The following CCDC40 variants were observed in gnomAD, a reference collection of about 807,000 sequenced individuals.
CCDC40 encodes coiled-coil domain 40 molecular ruler complex subunit, also known as coiled-coil domain-containing protein 40.
CCDC40 carries 104 observed loss-of-function variants against 124.5 expected under a neutral mutation model. The ratio of observed to expected loss-of-function variants is 0.84; its 90% CI spans 0.71 to 0.98. The LOEUF (loss-of-function observed/expected upper bound fraction) is 0.98. CCDC40 is among the 50% of genes least tolerant of loss of function. The probability of loss-of-function intolerance (pLI) is 0.00; values close to 1 mark genes in which losing one functional copy is unlikely to be tolerated. For synonymous variants in CCDC40, 580 were observed against 602.9 expected, an observed-to-expected ratio of 0.96 and a Z score of 0.56; for missense variants, 1,463 against 1,503.9, an observed-to-expected ratio of 0.97 and a Z score of 0.45.
intron 9 of CCDC40, among the ~76,000 whole-genome samples, chr17:80,062,602 C>CT (rs1191603406): frequency 2.0e-5 from 3 of 151,996 alleles, no homozygotes; most frequent in Non-Finnish European, 2.9e-5. Context: ...ATGGTAGAGA[C>CT]TAAGTCTCAC....
At chr17:80,095,199 C>A in intron 17 of CCDC40, 64 bp from the exon 18 acceptor site, 1 of 1,516,188 alleles carries the variant, frequency 6.6e-7, no homozygotes, top group Middle Eastern at 1.9e-4. Context: ...AGCGCCCCGG[C>A]CACTCTCTCT....
At chr17:80,071,524 A>G (rs1394637990) in intron 10 of CCDC40, among the ~76,000 whole-genome samples, 1 of 152,092 alleles carries the variant, frequency 6.6e-6, no homozygotes, top group East Asian at 1.9e-4. Flanking sequence ...TCCAGATTCC[A>G]TCCGTTCTTT....
At chr17:80,083,158 G>A (rs559198478) in intron 12 of CCDC40, among the ~76,000 whole-genome samples, 56 of 152,042 alleles carry the variant, frequency 3.7e-4, no homozygotes, top group African/African-American at 1.2e-3. Flanking sequence ...GTGCAGGCCC[G>A]GCTGTGACGG....
intron 17 of CCDC40, among the ~76,000 whole-genome samples, chr17:80,093,914 G>T (rs1463172935): frequency 6.6e-6 from 1 of 152,112 alleles, no homozygotes; most frequent in Non-Finnish European, 1.5e-5. Context: ...ACCTATCATT[G>T]TCTTTGCCCT....
chr17:80,037,688 A>AAAAAAAT lies in CCDC40; in HGVS notation c.30-434_30-433insAAAAATA. On this transcript the variant is annotated intron_variant, in intron 1 of 19. Transcript: ENST00000397545. ...AGCTTGAATCTTTAATTTTTTAAAA[A>AAAAAAAT]AGATATACATATATATATATATATA... 3.9e-4 allele frequency among the ~76,000 whole-genome samples: 18 copies of AAAAAAAT among 45,712 alleles called. 1 individual carries two copies. Among genetic ancestry groups the AAAAAAAT allele is most frequent in the Admixed American group, 9.7e-4 (4 of 4,116 alleles). The allele number at this position is 45,712 out of a possible 152,430, so 30.0% of individuals were successfully genotyped here.
Position 80,048,518 on chromosome 17 carries a change from CA to C in CCDC40, c.677-64del, listed in dbSNP as rs764146492. The C allele has an allele frequency of 4.4e-6, 6 of 1,361,606 alleles. No homozygotes were observed. In the African/African-American group the frequency reaches 8.6e-5, roughly 19 times the overall value. The allele number at this position is 1,361,606 out of a possible 1,614,324, so 84.3% of individuals were successfully genotyped here. ...GACAGCAGCTGTGCCATTGATGCCC[CA>C]GAATAGAATCACTGAGGCTTCTCTC... On this transcript the variant is annotated intron_variant, in intron 4 of 19. Transcript: ENST00000397545.
Position 80,087,957 on chromosome 17 carries a change from C to A in CCDC40, c.2620-54C>A. 1 of 1,414,152 alleles carries A rather than the reference C, an allele frequency of 7.1e-7. No individual in the cohort carries two copies. The highest frequency in any genetic ancestry group is 1.0e-6 in the Non-Finnish European group (1 of 998,010). 87.6% of individuals were successfully genotyped at this position (1,414,152 alleles called of 1,614,324 possible). A position where few individuals can be genotyped will look rare whatever the true frequency, so the allele number is the denominator to read the frequency against. Reference sequence around the variant, plus strand: ...CCGGGATAGAGGGCACCAGCCCCGGCATCCACAATCCCATGGCCCTCCCCA... The same window carrying A: ...CCGGGATAGAGGGCACCAGCCCCGGAATCCACAATCCCATGGCCCTCCCCA... On this transcript the variant is annotated intron_variant, in intron 15 of 19. Transcript: ENST00000397545. The surrounding 1 kb of genome is among the most constrained non-coding windows in gnomAD (Gnocchi z 4.5).
chr17:80,093,478 C>T (rs932932755), intron 17 of CCDC40, among the ~76,000 whole-genome samples: 2 of 151,606 alleles, frequency 1.3e-5, no homozygotes, highest in East Asian at 1.9e-4. Context: ...CCACTGTGCC[C>T]GGCCAGCTGA....
chr17:80,059,902 G>T (rs184149497), intron 9 of CCDC40, among the ~76,000 whole-genome samples: 2 of 152,242 alleles, frequency 1.3e-5, no homozygotes, highest in African/African-American at 4.8e-5. Flanking sequence ...GGATGAGCAC[G>T]CTGGGCTCCC....
intron 10 of CCDC40, among the ~76,000 whole-genome samples, chr17:80,073,566 G>A (rs749856388): frequency 5.9e-5 from 9 of 152,116 alleles, no homozygotes; most frequent in Non-Finnish European, 1.2e-4. Flanking sequence ...ACTGCTCGCC[G>A]GCTGGCGTTC....
chr17:80,048,655 A>G lies in CCDC40; in HGVS notation c.749A>G (p.Gln250Arg). The change falls in exon 5 of 20, where the codon CAG becomes CGG. Residue 250 changes from glutamine (Q) to arginine (R), a missense_variant. Transcript: ENST00000397545. ...DLPVFQDQIQQPSTEEGAMAE... is the reference protein window; with the variant it reads ...DLPVFQDQIQRPSTEEGAMAE... ...CCAGTGTTCCAGGACCAGATCCAGC[A>G]GCCCAGCACCGAGGAGGGGGCCATG... is the stretch of plus-strand genomic sequence containing the variant. The G allele has an allele frequency of 6.2e-7, 1 of 1,614,126 alleles. No homozygotes were observed. The highest frequency in any genetic ancestry group is 8.5e-7 in the Non-Finnish European group (1 of 1,180,024).
intron 3 of CCDC40, among the ~76,000 whole-genome samples, chr17:80,044,714 A>AT (rs1234367819): frequency 1.8e-4 from 14 of 76,732 alleles, no homozygotes; most frequent in African/African-American, 3.0e-4. Flanking sequence ...AACAAAAAAA[A>AT]AAATATATAT....
At chr17:80,060,094 G>A (rs1343613825) in intron 9 of CCDC40, among the ~76,000 whole-genome samples, 3 of 152,116 alleles carry the variant, frequency 2.0e-5, no homozygotes, top group Admixed American at 2.0e-4. Flanking sequence ...AATGGTTTTG[G>A]AAGAGAAGAT....
chr17:80,078,321 A>C (rs963716781), intron 10 of CCDC40, among the ~76,000 whole-genome samples: 2 of 140,110 alleles, frequency 1.4e-5, no homozygotes, highest in Non-Finnish European at 3.0e-5. Context: ...ACAGAGCGAG[A>C]CTCTGTCTCA....
chr17:80,042,804 C>T (rs970176588), intron 3 of CCDC40, among the ~76,000 whole-genome samples: 1 of 151,052 alleles, frequency 6.6e-6, no homozygotes, highest in Admixed American at 6.6e-5. Flanking sequence ...TTGCAGATGC[C>T]CTTTATCAGG....
In CCDC40 at chr17:80,056,583, C is replaced by T. The variant is rs192733147; in HGVS notation, c.1160-1911C>T. On this transcript the variant is annotated intron_variant, in intron 7 of 19. Coordinates refer to ENST00000397545, the MANE Select transcript of CCDC40 (RefSeq NM_017950.4). Reference sequence around the variant, plus strand: ...GAGCTATGATTGTGCGACTGCACTCCAGCCTGGGTGACAAAGTGACACCCT... The same window carrying T: ...GAGCTATGATTGTGCGACTGCACTCTAGCCTGGGTGACAAAGTGACACCCT... Among the ~76,000 whole-genome samples, 578 of 152,228 alleles carry T rather than the reference C, an allele frequency of 3.8e-3. 1 individual carries two copies. Among genetic ancestry groups the T allele is most frequent in the Non-Finnish European group, 6.5e-3 (444 of 68,014 alleles).
At chr17:80,099,323 T>G (rs942902155) in intron 19 of CCDC40, among the ~76,000 whole-genome samples, 13 of 150,684 alleles carry the variant, frequency 8.6e-5, no homozygotes, top group Non-Finnish European at 1.2e-4. Context: ...TAGATGGTGA[T>G]GATGGGTGAC....
At chr17:80,065,113 C>G (rs1349209039) in intron 9 of CCDC40, among the ~76,000 whole-genome samples, 2 of 74,504 alleles carry the variant, frequency 2.7e-5, no homozygotes, top group Non-Finnish European at 5.6e-5. Context: ...CCCCTCCTCC[C>G]TCTTTCATCT....
At chr17:80,036,823 C>G (rs2037074129) in intron 1 of CCDC40, 132 bp downstream of exon 1, 1 of 826,032 alleles carries the variant, frequency 1.2e-6, no homozygotes, top group African/African-American at 1.8e-5. Flanking sequence ...CGCCTGTGTC[C>G]CTTCTCTCGC....
Sources: gnomAD v4.1 joint callset for allele counts (sites outside exome capture counted in the v4.1 genomes callset) on GRCh38, gnomAD v4.1.1 for gene constraint, Gnocchi (gnomAD v3.1) non-coding constraint, MANE v1.5 for transcripts, NCBI Gene and HGNC (gene_info 2026-07-23, HGNC 2026-07-21) for gene names.